SAMD8: variants seen among roughly 807,000 people sequenced by gnomAD.
SAMD8 encodes the protein sterile alpha motif domain containing 8.
In SAMD8, 20 loss-of-function variants were observed where a neutral mutation model predicts 42.0. The ratio of observed to expected loss-of-function variants is 0.48; its 90% CI spans 0.34 to 0.69. SAMD8 has a LOEUF of 0.69. Among genes scored for constraint, SAMD8 ranks in the 30% least tolerant of loss-of-function variants. The pLI is 0.01. For synonymous variants in SAMD8, 162 were observed against 173.0 expected, an observed-to-expected ratio of 0.94 and a Z score of 0.50; for missense variants, 328 against 511.6, an observed-to-expected ratio of 0.64 and a Z score of 3.46.
At chr10:75,127,523 C>T (rs146098789) in intron 1 of SAMD8, among the ~76,000 whole-genome samples, 2 of 152,236 alleles carry the variant, frequency 1.3e-5, no homozygotes, top group East Asian at 1.9e-4. Flanking sequence ...AAGTCAAACA[C>T]GTAGAACAGT....
intron 1 of SAMD8, among the ~76,000 whole-genome samples, chr10:75,124,689 C>T (rs1849089185): frequency 1.3e-5 from 2 of 151,594 alleles, no homozygotes; most frequent in Non-Finnish European, 1.5e-5. Flanking sequence ...GTAGCTCTCT[C>T]TTCTGTTCCT....
chr10:75,131,661 A>G (rs1276569662), intron 1 of SAMD8, among the ~76,000 whole-genome samples: 1 of 152,198 alleles, frequency 6.6e-6, no homozygotes, highest in Non-Finnish European at 1.5e-5. Context: ...TATGGTAAGA[A>G]TATTTTTTAA....
At chr10:75,130,708 A>C (rs913346116) in intron 1 of SAMD8, among the ~76,000 whole-genome samples, 6 of 152,148 alleles carry the variant, frequency 3.9e-5, no homozygotes, top group African/African-American at 1.4e-4. Flanking sequence ...AATTATAATA[A>C]TTTAAATAAT....
At chr10:75,126,499 C>CT (rs779589994) in intron 1 of SAMD8, among the ~76,000 whole-genome samples, 3,750 of 115,508 alleles carry the variant, frequency 0.032, 72 homozygotes, top group Non-Finnish European at 0.047. Context: ...AGTGCTTTTG[C>CT]TTTTTTTTTT....
At chr10:75,116,348 C>T (rs952999083) in intron 1 of SAMD8, among the ~76,000 whole-genome samples, 2 of 152,162 alleles carry the variant, frequency 1.3e-5, no homozygotes, top group Non-Finnish European at 2.9e-5. Context: ...TCGAGCAGTC[C>T]TCCCACCTCA....
intron 2 of SAMD8, among the ~76,000 whole-genome samples, chr10:75,160,991 C>G (rs1840544236): frequency 6.6e-6 from 1 of 152,020 alleles, no homozygotes; most frequent in South Asian, 2.1e-4. Flanking sequence ...TGGCTTGATC[C>G]CAGGAGGTGG....
intron 1 of SAMD8, among the ~76,000 whole-genome samples, chr10:75,146,915 G>A (rs562380721): frequency 1.3e-5 from 2 of 152,278 alleles, no homozygotes; most frequent in South Asian, 4.1e-4. Context: ...TAGTGATTTA[G>A]TATGGGCCTC....
At chr10:75,115,447 G>C (rs999685827) in intron 1 of SAMD8, among the ~76,000 whole-genome samples, 1 of 152,146 alleles carries the variant, frequency 6.6e-6, no homozygotes, top group African/African-American at 2.4e-5. Flanking sequence ...ACATGCTACC[G>C]CTGTTGCTTC....
intron 1 of SAMD8, among the ~76,000 whole-genome samples, chr10:75,124,816 T>C (rs1365318955): frequency 6.6e-6 from 1 of 151,828 alleles, no homozygotes; most frequent in African/African-American, 2.4e-5. Context: ...TTTCTTTTTT[T>C]TTTTTCCTAA....
At chr10:75,156,964 G>T (rs987711585) in intron 2 of SAMD8, among the ~76,000 whole-genome samples, 6 of 152,176 alleles carry the variant, frequency 3.9e-5, no homozygotes, top group African/African-American at 1.2e-4. Context: ...ATTGGGTTAT[G>T]AGGAGGATAT....
intron 1 of SAMD8, among the ~76,000 whole-genome samples, chr10:75,135,816 A>T (rs1406805151): frequency 6.6e-6 from 1 of 150,644 alleles, no homozygotes; most frequent in African/African-American, 2.4e-5. Context: ...ACAGGACAAG[A>T]CTCCGTCCGT....
intron 4 of SAMD8, among the ~76,000 whole-genome samples, chr10:75,170,426 A>G (rs1442231356): frequency 6.6e-6 from 1 of 152,222 alleles, no homozygotes; most frequent in African/African-American, 2.4e-5. Flanking sequence ...CTGAAGGGTG[A>G]CAAAACTTTC....
intron 1 of SAMD8, chr10:75,105,673 C>T (rs1848448864): frequency 1.3e-6 from 2 of 1,548,896 alleles, no homozygotes; most frequent in Non-Finnish European, 1.7e-6. Flanking sequence ...GGCCCCTCAG[C>T]TCTGGCCGGC....
rs1220956106 is a variant in SAMD8, at chr10:75,177,040, T to C, written c.*348T>C. ...TTGCTGGTTGAGGAATTTTCATTGA[T>C]TTCCAGTAGGGCTCTAGTCAAGAAA... On this transcript the variant is annotated 3_prime_UTR_variant, in exon 6 of 6. Coordinates refer to ENST00000542569, the MANE Select transcript of SAMD8 (RefSeq NM_001174156.2). 3 of 184,642 alleles carry C rather than the reference T, an allele frequency of 1.6e-5. No individual in the cohort carries two copies. The highest frequency in any genetic ancestry group is 3.4e-5 in the Non-Finnish European group (3 of 89,350). The allele number at this position is 184,642 out of a possible 1,614,324, so 11.4% of individuals were successfully genotyped here. A position where few individuals can be genotyped will look rare whatever the true frequency, so the allele number is the denominator to read the frequency against.
In SAMD8 at chr10:75,114,729, G is replaced by T. The variant is rs553625250; in HGVS notation, c.-16+3007G>T. On this transcript the variant is annotated intron_variant, in intron 1 of 5. Transcript: ENST00000542569. ...ATGTAATATATGGTGTTAATTGTTG[G>T]GTGTACCTAGCATGCCCGTTAATTT... is the stretch of plus-strand genomic sequence containing the variant. Among the ~76,000 whole-genome samples, 24 of 152,132 alleles carry T rather than the reference G, an allele frequency of 1.6e-4. 1 individual carries two copies. The South Asian group carries it at 4.8e-3, about 30-fold the overall frequency.
chr10:75,123,069 C>G (rs1402315780), intron 1 of SAMD8, among the ~76,000 whole-genome samples: 1 of 152,100 alleles, frequency 6.6e-6, no homozygotes, highest in Non-Finnish European at 1.5e-5. Flanking sequence ...TCTACAGACA[C>G]CATCTCCATA....
chr10:75,104,566 C>T (rs1028475657), intron 1 of SAMD8, among the ~76,000 whole-genome samples: 2 of 152,198 alleles, frequency 1.3e-5, no homozygotes, highest in African/African-American at 4.8e-5. Context: ...ATCTGATGCT[C>T]CGCCAGGTTC....
intron 2 of SAMD8, among the ~76,000 whole-genome samples, chr10:75,157,751 A>G (rs534284242): frequency 6.6e-6 from 1 of 152,286 alleles, no homozygotes; most frequent in East Asian, 1.9e-4. Flanking sequence ...AGATACAGGT[A>G]TGGAATAGGT....
At chr10:75,150,085 TC>T (rs1175873560) in intron 1 of SAMD8, among the ~76,000 whole-genome samples, 93 of 151,090 alleles carry the variant, frequency 6.2e-4, no homozygotes, top group African/African-American at 2.1e-3. Flanking sequence ...CATCTCTCTC[TC>T]TCTCTCTACA....
Sources: allele counts gnomAD v4.1 joint callset (sites outside exome capture counted in the v4.1 genomes callset), GRCh38; gene constraint gnomAD v4.1.1; transcripts MANE v1.5; gene names NCBI Gene and HGNC (gene_info 2026-07-23, HGNC 2026-07-21).